ABCA8: variants seen among roughly 807,000 people sequenced by gnomAD.
ABCA8 encodes the protein ABC-type organic anion transporter ABCA8.
A neutral mutation model predicts 192.3 loss-of-function variants in ABCA8; 177 were observed. That is an observed-to-expected ratio of 0.92 (90% CI 0.81 to 1.04). ABCA8 has a LOEUF of 1.04. Among genes scored for constraint, ABCA8 ranks in the 50% least tolerant of loss-of-function variants. The pLI, the probability that ABCA8 is intolerant of heterozygous loss-of-function variation, is 0.00. For missense variants in ABCA8, 1,915 were observed against 1,904.8 expected (o/e 1.01, Z -0.10); for synonymous variants, 642 against 690.2 (o/e 0.93, Z 1.09).
rs1462326307 is a variant in ABCA8, at chr17:68,929,672, G to A, written c.828C>T (p.Phe276=). Residue 276 remains phenylalanine, a synonymous_variant, in exon 8 of 40, where the codon TTC becomes TTT. Transcript: ENST00000586539. ...CCAAGAAAAGGGCCATAATGAAGATGAAACCAGCATAGAGCAAACCCCAGG... is the reference window on the plus strand; with the variant it reads ...CCAAGAAAAGGGCCATAATGAAGATAAAACCAGCATAGAGCAAACCCCAGG... The part of the protein sequence containing the change: ...WLSWGLLYAG[F]IFIMALFLAL... 4 of 1,613,406 alleles carry A rather than the reference G, an allele frequency of 2.5e-6. No individual in the cohort carries two copies. The highest frequency in any genetic ancestry group is 3.4e-6 in the Non-Finnish European group (4 of 1,179,712).
chr17:68,953,307 A>T (rs140383233), intron 1 of ABCA8, among the ~76,000 whole-genome samples: 36 of 152,248 alleles, frequency 2.4e-4, no homozygotes, highest in African/African-American at 7.9e-4. Flanking sequence ...GAAGCAAGTG[A>T]TCTCCCTCCG....
rs1202636158 is a variant in ABCA8, at chr17:68,887,881, CAT to C, written c.3145-377_3145-376del. Reference sequence around the variant, plus strand: ...ATTCCTCTCTCTCTTTTCTCTCCTCCATATATATATATATATATATATATATC... The same window carrying C: ...ATTCCTCTCTCTCTTTTCTCTCCTCCATATATATATATATATATATATATC... On this transcript the variant is annotated intron_variant, in intron 24 of 39. Coordinates refer to ENST00000586539, the MANE Select transcript of ABCA8 (RefSeq NM_001288985.2). Among the ~76,000 whole-genome samples the C allele has an allele frequency of 7.5e-3, 511 of 68,214 alleles. 30 individuals carry two copies. Among genetic ancestry groups the C allele is most frequent in the African/African-American group, 0.031 (422 of 13,800 alleles). 44.8% of individuals were successfully genotyped at this position (68,214 alleles called of 152,430 possible). A position where few individuals can be genotyped will look rare whatever the true frequency, so the allele number is the denominator to read the frequency against.
At chr17:68,905,135 A>G (rs1374168444) in intron 19 of ABCA8, among the ~76,000 whole-genome samples, 4 of 152,248 alleles carry the variant, frequency 2.6e-5, no homozygotes, top group Non-Finnish European at 5.9e-5. Flanking sequence ...CAGTTCTGCC[A>G]TCCACATCAG....
intron 11 of ABCA8, among the ~76,000 whole-genome samples, 156 bp from the exon 12 acceptor site, chr17:68,922,456 A>C (rs549230672): frequency 1.4e-4 from 21 of 152,058 alleles, no homozygotes; most frequent in African/African-American, 4.8e-4. Context: ...ATCAGCTAGA[A>C]TACCGCTTGC....
At chr17:68,875,461 A>C in intron 36 of ABCA8, 61 bp from the exon 37 acceptor site, 2 of 1,606,840 alleles carry the variant, frequency 1.2e-6, no homozygotes, top group Non-Finnish European at 1.7e-6. Context: ...GTTGTTTGAG[A>C]AACTTGATTT....
Position 68,940,822 on chromosome 17 carries a change from G to A in ABCA8, c.237C>T (p.Tyr79=), listed in dbSNP as rs2068204937. 1.2e-6 allele frequency: 2 copies of A among 1,613,604 alleles called. No individual in the cohort carries two copies. The highest frequency in any genetic ancestry group is 1.7e-6 in the Non-Finnish European group (2 of 1,179,642). Reference sequence around the variant, plus strand: ...GTTGGGTCGTGTTGGTGACAGGTGTGTATACAACAGAAAATCTGGATTCAT... The same window carrying A: ...GTTGGGTCGTGTTGGTGACAGGTGTATATACAACAGAAAATCTGGATTCAT... ...TFNESRFSVV[Y]TPVTNTTQQI... Residue 79 remains tyrosine, a synonymous_variant, in exon 4 of 40, where the codon TAC becomes TAT. Coordinates refer to ENST00000586539, the MANE Select transcript of ABCA8 (RefSeq NM_001288985.2).
chr17:68,881,220 A>G lies in ABCA8; in HGVS notation c.3947-9T>C. 6.3e-7 allele frequency: 1 copy of G among 1,578,344 alleles called. No homozygotes were observed. Among genetic ancestry groups the G allele is most frequent in the Non-Finnish European group, 8.7e-7 (1 of 1,147,652 alleles). ...TAATCCTAAAACTTCACCTGAAAAA[A>G]AGGTTACACTTAATATTAATCTATT... is the stretch of plus-strand genomic sequence containing the variant. On this transcript the variant is annotated splice_polypyrimidine_tract_variant and intron_variant, in intron 31 of 39. Coordinates refer to ENST00000586539, the MANE Select transcript of ABCA8 (RefSeq NM_001288985.2).
intron 11 of ABCA8, among the ~76,000 whole-genome samples, chr17:68,923,211 T>A (rs935395136): frequency 5.7e-4 from 87 of 151,584 alleles, no homozygotes; most frequent in Middle Eastern, 3.4e-3. Flanking sequence ...TTATTATTTT[T>A]TTTTTTGAGA....
At position 68,883,053 on chromosome 17, in the gene ABCA8, T is replaced by C. The variant is rs569952893; in HGVS notation, c.3708-334A>G. Among the ~76,000 whole-genome samples the C allele has an allele frequency of 1.3e-4, 20 of 152,296 alleles. No individual in the cohort carries two copies. The South Asian group carries it at 4.1e-3, about 32-fold the overall frequency. On this transcript the variant is annotated intron_variant, in intron 29 of 39. Transcript: ENST00000586539. ...GGCCAGAATATTTGTAATCAGGAGTTTCTAGCAAAATACAAGTTAGATGCT... is the reference window on the plus strand; with the variant it reads ...GGCCAGAATATTTGTAATCAGGAGTCTCTAGCAAAATACAAGTTAGATGCT...
intron 18 of ABCA8, among the ~76,000 whole-genome samples, chr17:68,907,082 T>C (rs545181904): frequency 6.6e-6 from 1 of 152,270 alleles, no homozygotes; most frequent in African/African-American, 2.4e-5. Context: ...TCATTCTTCA[T>C]TCCACCTAAA....
chr17:68,880,707 G>A (rs1008695061), intron 32 of ABCA8: 3 of 186,460 alleles, frequency 1.6e-5, no homozygotes, highest in African/African-American at 7.1e-5. Context: ...CAACCAGCAT[G>A]CCTGGCTGTG....
In ABCA8 at chr17:68,887,925, T is replaced by TATATTATATATGGATA; in HGVS notation, c.3145-420_3145-419insTATCCATATATAATAT. 7.9e-5 allele frequency among the ~76,000 whole-genome samples: 8 copies of TATATTATATATGGATA among 101,006 alleles called. 1 individual carries two copies. Among genetic ancestry groups the TATATTATATATGGATA allele is most frequent in the Non-Finnish European group, 1.3e-4 (7 of 53,004 alleles). The allele number at this position is 101,006 out of a possible 152,430, so 66.3% of individuals were successfully genotyped here. A position where few individuals can be genotyped will look rare whatever the true frequency, so the allele number is the denominator to read the frequency against. On this transcript the variant is annotated intron_variant, in intron 24 of 39. Transcript: ENST00000586539. Reference sequence around the variant, plus strand: ...ATATATATCCATATATATATATATATTATATATGGATATATATATTATATA... The same window carrying TATATTATATATGGATA: ...ATATATATCCATATATATATATATATATATTATATATGGATATATATATGGATATATATATTATATA...
intron 17 of ABCA8, among the ~76,000 whole-genome samples, chr17:68,914,777 A>G (rs1235804761): frequency 6.6e-6 from 1 of 152,138 alleles, no homozygotes; most frequent in East Asian, 1.9e-4. Flanking sequence ...TTCTTCACAG[A>G]ATAAAAAACA....
chr17:68,926,250 A>G (rs1451588332), intron 10 of ABCA8, among the ~76,000 whole-genome samples: 2 of 152,234 alleles, frequency 1.3e-5, no homozygotes, highest in African/African-American at 2.4e-5. Context: ...CTAATAAGCA[A>G]TTGTAAACAC....
chr17:68,893,518 T>A (rs1476581843), intron 23 of ABCA8, among the ~76,000 whole-genome samples: 2 of 152,192 alleles, frequency 1.3e-5, no homozygotes, highest in Non-Finnish European at 2.9e-5. Flanking sequence ...TTGTCTTGAA[T>A]TTCTTTTGTA....
chr17:68,877,738 C>G (rs1042733067), intron 32 of ABCA8, 59 bp from the exon 33 acceptor site: 1 of 1,509,550 alleles, frequency 6.6e-7, no homozygotes, highest in Non-Finnish European at 8.9e-7. Flanking sequence ...TGAGTATTTC[C>G]ATGACATCAT....
intron 1 of ABCA8, among the ~76,000 whole-genome samples, chr17:68,952,380 A>G (rs532157421): frequency 2.0e-5 from 3 of 152,078 alleles, no homozygotes; most frequent in African/African-American, 7.2e-5. Flanking sequence ...CACCACGCCC[A>G]GCTAATTTTT....
chr17:68,916,313 A>G (rs1018910349), intron 17 of ABCA8, among the ~76,000 whole-genome samples: 2 of 152,134 alleles, frequency 1.3e-5, no homozygotes, highest in Non-Finnish European at 2.9e-5. Context: ...GACTATACAG[A>G]CTATATTAAT....
chr17:68,903,646 A>AGAAGAAATATTTATTTCTT, intron 19 of ABCA8, 147 bp from the exon 20 acceptor site: 1 of 668,166 alleles, frequency 1.5e-6, no homozygotes, highest in Non-Finnish European at 2.5e-6. Flanking sequence ...ATACAGAAAT[A>AGAAGAAATATTTATTTCTT]GAAGAAATAT....
Sources: gnomAD v4.1 joint callset for allele counts (sites outside exome capture counted in the v4.1 genomes callset) on GRCh38, gnomAD v4.1.1 for gene constraint, MANE v1.5 for transcripts, NCBI Gene and HGNC (gene_info 2026-07-23, HGNC 2026-07-21) for gene names.